The following TMEM209 variants were observed in gnomAD, a reference collection of about 807,000 sequenced individuals.
TMEM209 encodes the protein transmembrane protein 209, also known as testicular tissue protein Li 202.
In TMEM209, 65 loss-of-function variants were observed where a neutral mutation model predicts 76.2. The ratio of observed to expected loss-of-function variants is 0.85; its 90% confidence interval spans 0.70 to 1.05. The LOEUF is 1.05. TMEM209 is among the 50% of genes least tolerant of loss of function. The probability of loss-of-function intolerance (pLI) is 0.00; values close to 1 mark genes in which losing one functional copy is unlikely to be tolerated. For missense variants in TMEM209, 623 were observed against 685.5 expected (o/e 0.91, Z 1.02); for synonymous variants, 239 against 237.6 (o/e 1.01, Z -0.06).
In TMEM209 at chr7:130,178,232, A is replaced by G. The variant is rs116070519; in HGVS notation, c.1246+170T>C. On this transcript the variant is annotated intron_variant, in intron 10 of 14. Transcript: ENST00000397622. ...GTGAAATAGTCACTGGAGCCCATTT[A>G]GCTCATATTTAAGTTTCCTACACAA... is the stretch of plus-strand genomic sequence containing the variant. Among the ~76,000 whole-genome samples the G allele has an allele frequency of 4.6e-3, 708 of 152,338 alleles. 2 individuals are homozygous for G. The highest frequency in any genetic ancestry group is 0.016 in the African/African-American group (645 of 41,580).
intron 13 of TMEM209, among the ~76,000 whole-genome samples, chr7:130,172,055 A>T (rs1225108213): frequency 6.6e-6 from 1 of 151,912 alleles, no homozygotes; most frequent in Non-Finnish European, 1.5e-5. Context: ...AAAAATCTGT[A>T]TGTGCTTGTA....
rs1797562182 is a variant in TMEM209 at position 130,185,341 on chromosome 7, T to A, written c.802A>T (p.Ser268Cys). ...CTATAGTTCCAGAAAGTAGGACTGC[T>A]GGAAGGAGAGGTAGAATCTGGGCTC... ...LGSPDSTSPS[S>C]SPTFWNYSRS... The change falls in exon 7 of 15, where the codon AGC (serine) becomes TGC (cysteine). Residue 268 changes from serine (S) to cysteine (C), a missense_variant. Coordinates refer to ENST00000397622, the MANE Select transcript of TMEM209 (RefSeq NM_032842.4). 6.2e-7 allele frequency: 1 copy of A among 1,613,712 alleles called. No homozygotes were observed. Among genetic ancestry groups the A allele is most frequent in the African/African-American group, 1.3e-5 (1 of 74,932 alleles).
In TMEM209 at chr7:130,185,342, G is replaced by A. The variant is rs768486818; in HGVS notation, c.801C>T (p.Ser267=). ...TATAGTTCCAGAAAGTAGGACTGCT[G>A]GAAGGAGAGGTAGAATCTGGGCTCC... ...KLGSPDSTSP[S]SSPTFWNYSR... The change falls in exon 7 of 15, where the codon TCC becomes TCT. Residue 267 remains serine, a synonymous_variant. Transcript: ENST00000397622. The A allele has an allele frequency of 9.9e-6, 16 of 1,613,770 alleles. No homozygotes were observed. Among genetic ancestry groups the A allele is most frequent in the Non-Finnish European group, 1.4e-5 (16 of 1,179,772 alleles).
intron 10 of TMEM209, 75 bp downstream of exon 10, chr7:130,178,327 C>T (rs1399768154): frequency 3.2e-5 from 44 of 1,384,614 alleles, no homozygotes; most frequent in Middle Eastern, 2.1e-4. Context: ...AAAGTTTTTC[C>T]TTGTTAATCT....
chr7:130,187,222 A>C (rs1797630115), intron 6 of TMEM209, among the ~76,000 whole-genome samples: 1 of 152,034 alleles, frequency 6.6e-6, no homozygotes, highest in South Asian at 2.1e-4. Flanking sequence ...CAGCCTGAGC[A>C]ACAGAGCTAG....
At position 130,165,020 on chromosome 7, in the gene TMEM209, T is replaced by C. The variant is rs1012704448; in HGVS notation, c.*1431A>G. The C allele has an allele frequency of 6.6e-6, 1 of 152,202 alleles. No homozygotes were observed. Among genetic ancestry groups the C allele is most frequent in the Non-Finnish European group, 1.5e-5 (1 of 68,022 alleles). The allele number at this position is 152,202 out of a possible 1,614,324, so 9.4% of individuals were successfully genotyped here. ...GAACTGTACTGACTTAAATTTGGAA[T>C]TTACTAATTACTGGGGATACTTTAG... On this transcript the variant is annotated 3_prime_UTR_variant, in exon 15 of 15. Coordinates refer to ENST00000397622, the MANE Select transcript of TMEM209 (RefSeq NM_032842.4).
Position 130,185,188 on chromosome 7 carries a change from T to G in TMEM209, c.951+4A>C. The stretch of plus-strand genomic sequence containing the variant: ...ATATTAAGTCACTTTTATTTTCCAC[T>G]TACCTCTTCTGCGGCTTGTTTAGAG... On this transcript the variant is annotated splice_donor_region_variant and intron_variant, in intron 7 of 14. Transcript: ENST00000397622. 2 of 1,606,592 alleles carry G rather than the reference T, an allele frequency of 1.2e-6. No individual in the cohort carries two copies. The highest frequency in any genetic ancestry group is 1.7e-6 in the Non-Finnish European group (2 of 1,175,610).
chr7:130,195,824 T>C (rs898207092), intron 5 of TMEM209, among the ~76,000 whole-genome samples: 3 of 152,172 alleles, frequency 2.0e-5, no homozygotes, highest in African/African-American at 7.2e-5. Flanking sequence ...TTTCTGCATT[T>C]GGTAATAATT....
intron 10 of TMEM209, 68 bp from the exon 11 acceptor site, chr7:130,175,677 G>A: frequency 1.8e-5 from 22 of 1,246,674 alleles, no homozygotes; most frequent in East Asian, 2.5e-5. Context: ...AAAAAGCTAA[G>A]GGAATATAAT....
At chr7:130,192,277 C>G (rs1797823383) in intron 6 of TMEM209, 1 of 218,520 alleles carries the variant, frequency 4.6e-6, no homozygotes, top group African/African-American at 2.3e-5. Context: ...ACCAACCTTC[C>G]AAAAGACTAC....
chr7:130,202,692 G>A (rs773867066), intron 3 of TMEM209, 29 bp from the exon 4 acceptor site: 3 of 1,600,638 alleles, frequency 1.9e-6, no homozygotes, highest in African/African-American at 1.3e-5. Context: ...TTTTTAATAA[G>A]GGGGGTGAGG....
intron 6 of TMEM209, among the ~76,000 whole-genome samples, chr7:130,186,660 T>C (rs1421693910): frequency 6.6e-6 from 1 of 152,228 alleles, no homozygotes; most frequent in Admixed American, 6.5e-5. Context: ...CATTGAGGAC[T>C]GGCTTTAGAC....
At chr7:130,183,972 A>G (rs1051105669) in intron 8 of TMEM209, among the ~76,000 whole-genome samples, 1 of 152,174 alleles carries the variant, frequency 6.6e-6, no homozygotes, top group East Asian at 1.9e-4. Context: ...TTCTCAAAAC[A>G]TAACAATTCA....
chr7:130,203,980 G>T lies in TMEM209; in HGVS notation c.134C>A (p.Thr45Asn), dbSNP rs995362870. 6.2e-7 allele frequency: 1 copy of T among 1,613,434 alleles called. No individual in the cohort carries two copies. Reference protein sequence around the residue: ...LNVSMAGMIYTEMTGKLISSY... With the variant: ...LNVSMAGMIYNEMTGKLISSY... ...TTTGGACTGATTCACTTACATTTCAGTATATATCATTCCAGCCATAGATAC... is the reference window on the plus strand; with the variant it reads ...TTTGGACTGATTCACTTACATTTCATTATATATCATTCCAGCCATAGATAC... The change falls in exon 2 of 15, where the codon ACT becomes AAT. Residue 45 changes from threonine (T) to asparagine (N), a missense_variant. Physicochemically the swap from Thr to Asn is moderately conservative, Grantham distance 65 (BLOSUM62 0). Transcript: ENST00000397622.
At chr7:130,188,167 C>CA in intron 6 of TMEM209, among the ~76,000 whole-genome samples, 1 of 152,276 alleles carries the variant, frequency 6.6e-6, no homozygotes, top group African/African-American at 2.4e-5. Flanking sequence ...AGTTAAATAA[C>CA]AGTTTAGACA....
chr7:130,180,760 C>G (rs1273749012), intron 9 of TMEM209, among the ~76,000 whole-genome samples: 2 of 152,134 alleles, frequency 1.3e-5, no homozygotes, highest in Admixed American at 6.5e-5. Context: ...AAATCAAAAC[C>G]AAAATGAGAC....
chr7:130,169,194 CA>C lies in TMEM209; in HGVS notation c.1631+1205del, dbSNP rs11463128. On this transcript the variant is annotated intron_variant, in intron 14 of 14. Transcript: ENST00000397622. Reference sequence around the variant, plus strand: ...TAGGTGACAGAGCGAGACTCCATCTCAAAAAAAAAAAAAAAAAAAGCTAATA... The same window carrying C: ...TAGGTGACAGAGCGAGACTCCATCTCAAAAAAAAAAAAAAAAAAGCTAATA... Among the ~76,000 whole-genome samples the C allele has an allele frequency of 7.5e-3, 561 of 74,890 alleles. 2 individuals are homozygous for C. Among genetic ancestry groups the C allele is most frequent in the African/African-American group, 0.021 (428 of 20,760 alleles). The allele number at this position is 74,890 out of a possible 152,430, so 49.1% of individuals were successfully genotyped here.
At chr7:130,184,936 T>C (rs17164720) in intron 7 of TMEM209, among the ~76,000 whole-genome samples, 6,828 of 152,312 alleles carry the variant, frequency 0.045, 237 homozygotes, top group South Asian at 0.06. Flanking sequence ...AGAGCCTTTT[T>C]ATAATCAATG....
intron 5 of TMEM209, among the ~76,000 whole-genome samples, chr7:130,199,050 T>C (rs1798094775): frequency 6.6e-6 from 1 of 152,208 alleles, no homozygotes; most frequent in Admixed American, 6.5e-5. Context: ...TATGATGCTG[T>C]ATTATTCAAT....
Sources: allele counts gnomAD v4.1 joint callset (sites outside exome capture counted in the v4.1 genomes callset), GRCh38; gene constraint gnomAD v4.1.1; transcripts MANE v1.5; gene names NCBI Gene and HGNC (gene_info 2026-07-23, HGNC 2026-07-21).